Variants in ASAP3 observed in about 807,000 individuals in gnomAD.
The protein encoded by ASAP3 is ArfGAP with SH3 domain, ankyrin repeat and PH domain 3.
Under a neutral mutation model 118.2 loss-of-function variants are expected in ASAP3, and 85 were observed. The ratio of observed to expected loss-of-function variants is 0.72; its 90% CI spans 0.60 to 0.86. The LOEUF is 0.86. Ranked by LOEUF, ASAP3 falls within the 40% of genes least tolerant of loss-of-function variation. The probability of loss-of-function intolerance (pLI) is 0.00; values close to 1 mark genes in which losing one functional copy is unlikely to be tolerated. For synonymous variants in ASAP3, 432 were observed against 477.4 expected (o/e 0.90, Z 1.24); for missense variants, 1,026 against 1,175.0 (o/e 0.87, Z 1.85).
intron 1 of ASAP3, among the ~76,000 whole-genome samples, chr1:23,470,463 G>C (rs1641924599): frequency 6.6e-6 from 1 of 152,164 alleles, no homozygotes; most frequent in Admixed American, 6.5e-5. Context: ...AGCCCCTACG[G>C]TGGCTACACT....
At chr1:23,457,933 A>G (rs1641441009) in intron 1 of ASAP3, among the ~76,000 whole-genome samples, 1 of 152,242 alleles carries the variant, frequency 6.6e-6, no homozygotes, top group Non-Finnish European at 1.5e-5. Context: ...TACAGGATTT[A>G]GCTTGGTGCT....
At chr1:23,466,302 G>A (rs1356861989) in intron 1 of ASAP3, among the ~76,000 whole-genome samples, 2 of 152,198 alleles carry the variant, frequency 1.3e-5, no homozygotes, top group East Asian at 1.9e-4. Context: ...GATTAGAATG[G>A]ACAGCTATTT....
intron 21 of ASAP3, 72 bp from the exon 22 acceptor site, chr1:23,433,344 G>A (rs776890082): frequency 2.2e-5 from 36 of 1,611,042 alleles, no homozygotes; most frequent in Non-Finnish European, 3.0e-5. Context: ...CCGCCTCACC[G>A]CCCCCGCCAA....
chr1:23,464,828 C>A (rs1424749009), intron 1 of ASAP3, among the ~76,000 whole-genome samples: 1 of 152,118 alleles, frequency 6.6e-6, no homozygotes, highest in Non-Finnish European at 1.5e-5. Context: ...ATCAGAAAAT[C>A]TGGGGGTGAG....
chr1:23,431,707 G>C lies in ASAP3; in HGVS notation c.2535C>G (p.Pro845=), dbSNP rs753682850. ...GGGCCCTCACCAACCTGAATCTGACGGGGAGGTACATCTCCGAAGGGGTGG... is the reference window on the plus strand; with the variant it reads ...GGGCCCTCACCAACCTGAATCTGACCGGGAGGTACATCTCCGAAGGGGTGG... ...SGTTPSEMYL[P]VRFSSESTRS... Residue 845 remains proline (P), a synonymous_variant, in exon 23 of 25, where the codon CCC becomes CCG. Coordinates refer to ENST00000336689, the MANE Select transcript of ASAP3 (RefSeq NM_017707.4). 2 of 1,524,450 alleles carry C rather than the reference G, an allele frequency of 1.3e-6. No homozygotes were observed. Among genetic ancestry groups the C allele is most frequent in the East Asian group, 2.3e-5 (1 of 43,324 alleles). The allele number at this position is 1,524,450 out of a possible 1,614,324, so 94.4% of individuals were successfully genotyped here.
At chr1:23,446,609 C>T (rs1170484450) in intron 5 of ASAP3, among the ~76,000 whole-genome samples, 9 of 151,986 alleles carry the variant, frequency 5.9e-5, no homozygotes, top group East Asian at 3.9e-4. Flanking sequence ...AGCTAATTTT[C>T]GTATTTTTAG....
chr1:23,438,638 T>C lies in ASAP3; in HGVS notation c.1102+109A>G, dbSNP rs1640758085. ...CTGCAGTAGCAGCAATTCGACACCA[T>C]GTGTGGAACTGGACACAGACCCCTC... On this transcript the variant is annotated intron_variant, in intron 12 of 24. Coordinates refer to ENST00000336689, the MANE Select transcript of ASAP3 (RefSeq NM_017707.4). This position sits in a 1 kb window ranked among gnomAD's most constrained non-coding sequence, Gnocchi z 4.9. The C allele has an allele frequency of 6.9e-6, 6 of 872,698 alleles. No individual in the cohort carries two copies. Among genetic ancestry groups the C allele is most frequent in the South Asian group, 4.6e-5 (3 of 64,690 alleles). The allele number at this position is 872,698 out of a possible 1,614,324, so 54.1% of individuals were successfully genotyped here. A position where few individuals can be genotyped will look rare whatever the true frequency, so the allele number is the denominator to read the frequency against.
At chr1:23,468,870 CA>C (rs1172330542) in intron 1 of ASAP3, among the ~76,000 whole-genome samples, 11,707 of 47,340 alleles carry the variant, frequency 0.25, 212 homozygotes, top group Non-Finnish European at 0.29. Context: ...GACTCCATCT[CA>C]AAAAAAAAAA....
intron 4 of ASAP3, among the ~76,000 whole-genome samples, chr1:23,451,899 C>A (rs1357087523): frequency 6.6e-6 from 1 of 152,180 alleles, no homozygotes; most frequent in Non-Finnish European, 1.5e-5. Context: ...AGGCCAAATT[C>A]CCCCTGCCTA....
At chr1:23,442,815 C>T (rs148143118) in intron 5 of ASAP3, among the ~76,000 whole-genome samples, 118 of 152,252 alleles carry the variant, frequency 7.8e-4, no homozygotes, top group African/African-American at 2.6e-3. Context: ...ATCACAGCCA[C>T]GCAGAGAACT....
At chr1:23,470,376 G>C (rs767392572) in intron 1 of ASAP3, among the ~76,000 whole-genome samples, 3 of 152,204 alleles carry the variant, frequency 2.0e-5, no homozygotes, top group Non-Finnish European at 4.4e-5. Flanking sequence ...GGGTGCCAGA[G>C]GAGGGCAGTG....
At chr1:23,459,926 G>A (rs1641515478) in intron 1 of ASAP3, among the ~76,000 whole-genome samples, 2 of 152,152 alleles carry the variant, frequency 1.3e-5, no homozygotes, top group South Asian at 2.1e-4. Context: ...GCCACTTGGC[G>A]ACCTAGAATA....
At chr1:23,453,071 G>GCTC (rs1297115468) in intron 3 of ASAP3, among the ~76,000 whole-genome samples, 2 of 152,134 alleles carry the variant, frequency 1.3e-5, no homozygotes, top group African/African-American at 4.8e-5. Flanking sequence ...GTGTGTCAGA[G>GCTC]TGAGCCCCTT....
At chr1:23,450,757 G>C (rs1001189083) in intron 5 of ASAP3, among the ~76,000 whole-genome samples, 1 of 152,092 alleles carries the variant, frequency 6.6e-6, no homozygotes. Context: ...CAAAATGCAA[G>C]AGAAAACAAA....
intron 1 of ASAP3, among the ~76,000 whole-genome samples, chr1:23,470,227 G>A (rs562197648): frequency 2.0e-5 from 3 of 152,256 alleles, no homozygotes; most frequent in East Asian, 3.9e-4. Flanking sequence ...AAAGCGCTAG[G>A]ACACAGTTGA....
intron 1 of ASAP3, among the ~76,000 whole-genome samples, chr1:23,467,359 C>T (rs1431170733): frequency 2.0e-5 from 3 of 152,058 alleles, no homozygotes; most frequent in Non-Finnish European, 2.9e-5. Context: ...TGAGCCACCA[C>T]GCCTGGCCCA....
Position 23,438,854 on chromosome 1 carries a change from G to A in ASAP3, c.1015-20C>T. On this transcript the variant is annotated intron_variant, in intron 11 of 24. Coordinates refer to ENST00000336689, the MANE Select transcript of ASAP3 (RefSeq NM_017707.4). The surrounding 1 kb of genome is among the most constrained non-coding windows in gnomAD (Gnocchi z 4.9). The stretch of plus-strand genomic sequence containing the variant: ...GTTTATCTGTGGGAATTTAGGGGCG[G>A]AGGATGTATGCATTACCTCTGGCCC... The A allele has an allele frequency of 6.2e-7, 1 of 1,611,780 alleles. No individual in the cohort carries two copies. The highest frequency in any genetic ancestry group is 2.2e-5 in the East Asian group (1 of 44,856).
chr1:23,441,154 T>G lies in ASAP3; in HGVS notation c.892A>C (p.Asn298His), dbSNP rs1287410261. Residue 298 changes from asparagine to histidine, a missense_variant, in exon 10 of 25, where the codon AAC (asparagine) becomes CAC (histidine). Transcript: ENST00000336689. ...ACTTTCTCCGTCCCAAACTGCTTGT[T>G]GCCTTGGTGCTGGTGGATGCTATAG... Reference protein sequence around the residue: ...CGYSIHQHQGNKQFGTEKVGF... With the variant: ...CGYSIHQHQGHKQFGTEKVGF... The G allele has an allele frequency of 6.8e-6, 11 of 1,614,104 alleles. No individual in the cohort carries two copies. Among genetic ancestry groups the G allele is most frequent in the Middle Eastern group, 3.3e-4 (2 of 6,084 alleles).
At chr1:23,478,341 T>A (rs547974218) in intron 1 of ASAP3, among the ~76,000 whole-genome samples, 1 of 152,258 alleles carries the variant, frequency 6.6e-6, no homozygotes, top group Non-Finnish European at 1.5e-5. Flanking sequence ...GGCGGGCGCC[T>A]GTAATCCCAG....
Sources: gnomAD v4.1 joint callset for allele counts (sites outside exome capture counted in the v4.1 genomes callset) on GRCh38, gnomAD v4.1.1 for gene constraint, Gnocchi (gnomAD v3.1) non-coding constraint, MANE v1.5 for transcripts, NCBI Gene and HGNC (gene_info 2026-07-23, HGNC 2026-07-21) for gene names.